GPR158: variants seen among roughly 807,000 people sequenced by gnomAD.
GPR158 encodes metabotropic glycine receptor.
GPR158 carries 30 observed loss-of-function variants against 78.2 expected under a neutral mutation model. That is an observed-to-expected ratio of 0.38 (90% CI 0.29 to 0.52). The LOEUF (loss-of-function observed/expected upper bound fraction) is 0.52, where lower values mean the gene tolerates loss of function less well. GPR158 is among the 20% of genes least tolerant of loss of function. GPR158 has a pLI of 0.83. For synonymous variants in GPR158, 581 were observed against 591.1 expected (o/e 0.98, Z 0.25); for missense variants, 1,463 against 1,523.5 (o/e 0.96, Z 0.66).
chr10:25,560,852 G>A (rs552255266), intron 6 of GPR158, among the ~76,000 whole-genome samples: 2 of 152,180 alleles, frequency 1.3e-5, no homozygotes, highest in South Asian at 2.1e-4. Flanking sequence ...AAACATTTTC[G>A]CTATTAGTCA....
At chr10:25,320,356 A>G (rs1384997832) in intron 2 of GPR158, among the ~76,000 whole-genome samples, 1 of 152,196 alleles carries the variant, frequency 6.6e-6, no homozygotes, top group Non-Finnish European at 1.5e-5. Flanking sequence ...CATCTTATTC[A>G]TTAAGGAGCC....
At chr10:25,426,638 G>C (rs1016949500) in intron 4 of GPR158, among the ~76,000 whole-genome samples, 3 of 152,114 alleles carry the variant, frequency 2.0e-5, no homozygotes, top group African/African-American at 7.2e-5. Flanking sequence ...GAAGTCTGCT[G>C]TCTTACATGG....
intron 1 of GPR158, among the ~76,000 whole-genome samples, chr10:25,187,346 C>T (rs577766965): frequency 3.6e-4 from 55 of 152,232 alleles, no homozygotes; most frequent in Admixed American, 2.0e-3. Context: ...GAATTTTAGG[C>T]CAATATCCCT....
chr10:25,337,138 A>G (rs1364595281), intron 2 of GPR158, among the ~76,000 whole-genome samples: 1 of 152,128 alleles, frequency 6.6e-6, no homozygotes, highest in Non-Finnish European at 1.5e-5. Context: ...TGTTAGCAAT[A>G]CTTTGAAAAT....
At chr10:25,393,426 T>C (rs1834328742) in intron 2 of GPR158, 1 of 152,230 alleles carries the variant, frequency 6.6e-6, no homozygotes, top group African/African-American at 2.4e-5. Context: ...CCTTGCTGGA[T>C]GAATATTTAG....
rs1479920328 is a variant in GPR158 at position 25,416,635 on chromosome 10, A to G, written c.1335+4162A>G. On this transcript the variant is annotated intron_variant, in intron 4 of 10. Transcript: ENST00000376351. ...AAAAAGTAACAAAATAAAAAGTTGTAATATAGGAATAAGTTTGTTACTATA... is the reference window on the plus strand; with the variant it reads ...AAAAAGTAACAAAATAAAAAGTTGTGATATAGGAATAAGTTTGTTACTATA... 3.3e-5 allele frequency among the ~76,000 whole-genome samples: 5 copies of G among 152,290 alleles called. No homozygotes were observed. The East Asian group carries it at 9.7e-4, about 29-fold the overall frequency.
chr10:25,405,544 A>T (rs1834503306), intron 3 of GPR158, among the ~76,000 whole-genome samples: 1 of 90,768 alleles, frequency 1.1e-5, no homozygotes, highest in East Asian at 3.1e-4. Context: ...CATGACATTA[A>T]GGTTGTTCTT....
At chr10:25,401,147 T>C (rs1224407256) in intron 3 of GPR158, among the ~76,000 whole-genome samples, 3 of 152,148 alleles carry the variant, frequency 2.0e-5, no homozygotes, top group Non-Finnish European at 4.4e-5. Flanking sequence ...TTGCTTTCTG[T>C]AGACTAAGCT....
At chr10:25,427,348 C>T (rs1834839019) in intron 4 of GPR158, among the ~76,000 whole-genome samples, 2 of 152,054 alleles carry the variant, frequency 1.3e-5, no homozygotes, top group African/African-American at 2.4e-5. Flanking sequence ...CCTCTTGCTA[C>T]ACCATTTTCA....
intron 4 of GPR158, among the ~76,000 whole-genome samples, chr10:25,443,023 C>T (rs1835088848): frequency 6.6e-6 from 1 of 152,134 alleles, no homozygotes; most frequent in Non-Finnish European, 1.5e-5. Context: ...TTAAAACTTC[C>T]AGTATGGTCA....
chr10:25,395,864 T>G, intron 2 of GPR158, 47 bp from the exon 3 acceptor site: 8 of 897,408 alleles, frequency 8.9e-6, no homozygotes, highest in African/African-American at 1.7e-5. Flanking sequence ...CTTTATACCA[T>G]GAGATAAGCC....
chr10:25,279,899 G>C (rs1854242967), intron 2 of GPR158, among the ~76,000 whole-genome samples: 4 of 151,610 alleles, frequency 2.6e-5, no homozygotes, highest in Admixed American at 2.6e-4. Flanking sequence ...CTAACCACTG[G>C]GCTGTACCAC....
chr10:25,421,554 T>C (rs1239113550), intron 4 of GPR158, among the ~76,000 whole-genome samples: 1 of 152,152 alleles, frequency 6.6e-6, no homozygotes, highest in African/African-American at 2.4e-5. Context: ...CCAGCTGCTG[T>C]ACCCAATATA....
intron 2 of GPR158, among the ~76,000 whole-genome samples, chr10:25,367,551 A>G (rs1855742035): frequency 6.6e-6 from 1 of 151,788 alleles, no homozygotes; most frequent in Non-Finnish European, 1.5e-5. Flanking sequence ...ATAGCCATAG[A>G]TGAATTCTGA....
At chr10:25,254,156 CTTTG>C (rs1853861314) in intron 2 of GPR158, among the ~76,000 whole-genome samples, 1 of 152,086 alleles carries the variant, frequency 6.6e-6, no homozygotes, top group South Asian at 2.1e-4. Flanking sequence ...GGCTTTGGCT[CTTTG>C]TTTGTGGTTT....
intron 5 of GPR158, among the ~76,000 whole-genome samples, chr10:25,526,103 T>TAAAAAAA (rs4017850): frequency 1.4e-5 from 1 of 69,174 alleles, no homozygotes; most frequent in Non-Finnish European, 2.8e-5. Context: ...CAATTTTGTC[T>TAAAAAAA]AAAAAAAAAA....
intron 2 of GPR158, among the ~76,000 whole-genome samples, chr10:25,381,941 G>A (rs1350152568): frequency 6.6e-6 from 1 of 152,184 alleles, no homozygotes; most frequent in Non-Finnish European, 1.5e-5. Context: ...AGCTGCCTGA[G>A]AACCAGACCA....
intron 2 of GPR158, among the ~76,000 whole-genome samples, chr10:25,260,842 A>G (rs570085539): frequency 1.2e-4 from 19 of 152,222 alleles, no homozygotes; most frequent in South Asian, 4.1e-4. Context: ...CTATTCGTCT[A>G]TGGCCTCTGA....
At chr10:25,354,601 A>C (rs2130524206) in intron 2 of GPR158, among the ~76,000 whole-genome samples, 1 of 152,194 alleles carries the variant, frequency 6.6e-6, no homozygotes, top group South Asian at 2.1e-4. Context: ...TGCATACTAC[A>C]ATTCCAGTGT....
Sources: gnomAD v4.1 joint callset for allele counts (sites outside exome capture counted in the v4.1 genomes callset) on GRCh38, gnomAD v4.1.1 for gene constraint, MANE v1.5 for transcripts, NCBI Gene and HGNC (gene_info 2026-07-23, HGNC 2026-07-21) for gene names.